HS2ST1: variants seen among roughly 807,000 people sequenced by gnomAD.
The protein encoded by HS2ST1 is 2-O-sulfotransferase.
A neutral mutation model predicts 42.9 loss-of-function variants in HS2ST1; 18 were observed. The ratio of observed to expected loss-of-function variants is 0.42; its 90% CI spans 0.29 to 0.62. The LOEUF (loss-of-function observed/expected upper bound fraction) is 0.62, where lower values mean the gene tolerates loss of function less well. HS2ST1 is among the 20% of genes least tolerant of loss of function. HS2ST1 has a pLI of 0.21. For synonymous variants in HS2ST1, 146 were observed against 152.9 expected (o/e 0.95, Z 0.33); for missense variants, 334 against 433.8 (o/e 0.77, Z 2.04).
intron 1 of HS2ST1, among the ~76,000 whole-genome samples, chr1:87,020,077 A>G (rs1649869554): frequency 6.6e-6 from 1 of 152,220 alleles, no homozygotes; most frequent in Non-Finnish European, 1.5e-5. Context: ...CTTTGGGAGT[A>G]GAGCTGGAGA....
chr1:86,993,115 T>C, intron 1 of HS2ST1: 1 of 1,602,214 alleles, frequency 6.2e-7, no homozygotes, highest in Non-Finnish European at 8.5e-7. Flanking sequence ...TCTCGAAGTA[T>C]TCAGTATGCC....
chr1:87,034,956 T>C (rs1035565237), intron 1 of HS2ST1, among the ~76,000 whole-genome samples: 6 of 152,124 alleles, frequency 3.9e-5, no homozygotes, highest in Admixed American at 3.3e-4. Flanking sequence ...AGTATCCTTA[T>C]AAGAGGGAGG....
intron 3 of HS2ST1, among the ~76,000 whole-genome samples, chr1:87,086,341 G>A (rs1021304993): frequency 1.1e-4 from 17 of 151,992 alleles, no homozygotes; most frequent in African/African-American, 4.1e-4. Context: ...CTGTATCTGT[G>A]TGTGGTTGAA....
chr1:87,078,810 C>G (rs902900944), intron 2 of HS2ST1, among the ~76,000 whole-genome samples: 12 of 152,050 alleles, frequency 7.9e-5, no homozygotes, highest in African/African-American at 2.4e-4. Context: ...GCAGCATGCC[C>G]AAGAGAAATA....
In HS2ST1 at chr1:87,107,106, A is replaced by C; in HGVS notation, c.*2410A>C. On this transcript the variant is annotated 3_prime_UTR_variant, in exon 7 of 7. Coordinates refer to ENST00000370550, the MANE Select transcript of HS2ST1 (RefSeq NM_012262.4). ...AAAACAGATGACATCCCAGATGCAG[A>C]CCATGGGCAACCAACCATTGCACTG... 6.6e-6 allele frequency: 1 copy of C among 152,084 alleles called. No individual in the cohort carries two copies. Among genetic ancestry groups the C allele is most frequent in the East Asian group, 1.9e-4 (1 of 5,200 alleles). The allele number at this position is 152,084 out of a possible 1,614,324, so 9.4% of individuals were successfully genotyped here. A position where few individuals can be genotyped will look rare whatever the true frequency, so the allele number is the denominator to read the frequency against.
chr1:86,942,992 A>T (rs1416362528), intron 1 of HS2ST1, among the ~76,000 whole-genome samples: 6 of 152,012 alleles, frequency 3.9e-5, no homozygotes, highest in African/African-American at 1.5e-4. Flanking sequence ...TTTAAGCTTT[A>T]CCCTTCATAA....
At chr1:86,928,795 T>C (rs143496895) in intron 1 of HS2ST1, among the ~76,000 whole-genome samples, 1 of 152,110 alleles carries the variant, frequency 6.6e-6, no homozygotes, top group African/African-American at 2.4e-5. Context: ...CAAAGTTGTG[T>C]GATGATATTT....
At chr1:87,038,560 A>G (rs1650440129) in intron 1 of HS2ST1, among the ~76,000 whole-genome samples, 1 of 152,206 alleles carries the variant, frequency 6.6e-6, no homozygotes. Context: ...TGCAAAAATT[A>G]GAATTTGCAT....
chr1:86,963,829 G>A (rs1482358135), intron 1 of HS2ST1, among the ~76,000 whole-genome samples: 6 of 147,006 alleles, frequency 4.1e-5, no homozygotes, highest in African/African-American at 7.5e-5. Context: ...GGCTGGCCGG[G>A]CGGGGGCTGC....
rs1476040439 is a variant in HS2ST1 at position 87,108,896 on chromosome 1, AT to A, written c.*4204del. 1.3e-5 allele frequency: 2 copies of A among 152,442 alleles called. No individual in the cohort carries two copies. Among genetic ancestry groups the A allele is most frequent in the Admixed American group, 6.6e-5 (1 of 15,240 alleles). 9.4% of individuals were successfully genotyped at this position (152,442 alleles called of 1,614,324 possible). A position where few individuals can be genotyped will look rare whatever the true frequency, so the allele number is the denominator to read the frequency against. On this transcript the variant is annotated 3_prime_UTR_variant, in exon 7 of 7. Coordinates refer to ENST00000370550, the MANE Select transcript of HS2ST1 (RefSeq NM_012262.4). Reference sequence around the variant, plus strand: ...TAATTTTCGGAAACATGGATTGTGTATTTTGACTTTTATTTTATAAATACAC... The same window carrying A: ...TAATTTTCGGAAACATGGATTGTGTATTTGACTTTTATTTTATAAATACAC...
At chr1:86,998,614 C>G (rs77749190) in intron 1 of HS2ST1, among the ~76,000 whole-genome samples, 1,838 of 152,198 alleles carry the variant, frequency 0.012, 45 homozygotes, top group African/African-American at 0.042. Flanking sequence ...GTTTCAAGAT[C>G]TTGAATTTTT....
At chr1:86,932,146 A>C (rs1660556978) in intron 1 of HS2ST1, 1 of 152,190 alleles carries the variant, frequency 6.6e-6, no homozygotes, top group East Asian at 1.9e-4. Context: ...TAAAATAAAT[A>C]TTGTTAGACT....
intron 1 of HS2ST1, among the ~76,000 whole-genome samples, chr1:87,023,746 T>A (rs779555058): frequency 2.1e-4 from 32 of 152,166 alleles, no homozygotes; most frequent in Admixed American, 3.3e-4. Flanking sequence ...TCAGAAAATA[T>A]GATAAACACA....
At chr1:86,950,596 CTCT>C (rs1408810175) in intron 1 of HS2ST1, among the ~76,000 whole-genome samples, 1 of 152,102 alleles carries the variant, frequency 6.6e-6, no homozygotes, top group African/African-American at 2.4e-5. Context: ...TAGGAAAATA[CTCT>C]TCTTCTTAAT....
At chr1:86,997,081 C>G (rs1171327408) in intron 1 of HS2ST1, among the ~76,000 whole-genome samples, 1 of 152,084 alleles carries the variant, frequency 6.6e-6, no homozygotes, top group African/African-American at 2.4e-5. Context: ...CATATTTATT[C>G]TGGTCTTTTC....
At chr1:86,926,639 G>C (rs1660428222) in intron 1 of HS2ST1, among the ~76,000 whole-genome samples, 1 of 152,154 alleles carries the variant, frequency 6.6e-6, no homozygotes, top group Non-Finnish European at 1.5e-5. Context: ...CTTGGCTAGG[G>C]GTAGAAACTG....
At chr1:86,964,406 C>T (rs1421012462) in intron 1 of HS2ST1, among the ~76,000 whole-genome samples, 1 of 152,248 alleles carries the variant, frequency 6.6e-6, no homozygotes, top group Non-Finnish European at 1.5e-5. Context: ...GAGGCCGAGG[C>T]TGGCAGATCA....
chr1:87,018,611 A>G (rs113557361), intron 1 of HS2ST1, among the ~76,000 whole-genome samples: 1 of 152,152 alleles, frequency 6.6e-6, no homozygotes, highest in Non-Finnish European at 1.5e-5. Context: ...ATGACGCTCT[A>G]AAGGACAGAT....
Position 86,979,778 on chromosome 1 carries a change from A to T in HS2ST1, c.124+64618A>T, listed in dbSNP as rs111968917. ...TCTATCTTTCACTTTTTGAGGAATC[A>T]TCATACCATTTTCCATGGCAGCTGC... is the stretch of plus-strand genomic sequence containing the variant. On this transcript the variant is annotated intron_variant, in intron 1 of 6. Coordinates refer to ENST00000370550, the MANE Select transcript of HS2ST1 (RefSeq NM_012262.4). 2.6e-3 allele frequency among the ~76,000 whole-genome samples: 399 copies of T among 152,326 alleles called. 3 individuals carry two copies. The highest frequency in any genetic ancestry group is 9.1e-3 in the African/African-American group (380 of 41,574).
Sources: allele counts gnomAD v4.1 joint callset (sites outside exome capture counted in the v4.1 genomes callset), GRCh38; gene constraint gnomAD v4.1.1; transcripts MANE v1.5; gene names NCBI Gene and HGNC (gene_info 2026-07-23, HGNC 2026-07-21).